The following DGKI variants were observed in gnomAD, a reference collection of about 807,000 sequenced individuals.
DGKI encodes diacylglycerol kinase iota, also known as DAG kinase iota.
A neutral mutation model predicts 147.5 loss-of-function variants in DGKI; 55 were observed. That is an observed-to-expected ratio of 0.37 (90% CI 0.30 to 0.47). The LOEUF is 0.47. Ranked by LOEUF, DGKI falls within the 20% of genes least tolerant of loss-of-function variation. The probability of loss-of-function intolerance (pLI) is 1.00; values close to 1 mark genes in which losing one functional copy is unlikely to be tolerated. For synonymous variants in DGKI, 469 were observed against 477.1 expected (o/e 0.98, Z 0.22); for missense variants, 1,007 against 1,323.8 (o/e 0.76, Z 3.71).
At chr7:137,617,124 C>CAAAAAAAAAAAAAAAAAA (rs60654879) in intron 8 of DGKI, among the ~76,000 whole-genome samples, 1 of 48,130 alleles carries the variant, frequency 2.1e-5, no homozygotes, top group Admixed American at 2.9e-4. Flanking sequence ...TCCCTTTTAC[C>CAAAAAAAAAAAAAAAAAA]AAAAAAAAAA....
intron 21 of DGKI, among the ~76,000 whole-genome samples, chr7:137,517,219 AAAAGAAAAAGAAAGAAAGAAAG>A: frequency 1.4e-5 from 2 of 139,718 alleles, no homozygotes; most frequent in African/African-American, 6.1e-5. Flanking sequence ...TAAAGAAAAG[AAAAGAAAAAGAAAGAAAGAAAG>A]AAAGAAAAGA....
intron 14 of DGKI, among the ~76,000 whole-genome samples, chr7:137,583,805 A>T (rs1331925528): frequency 6.6e-6 from 1 of 152,132 alleles, no homozygotes; most frequent in Non-Finnish European, 1.5e-5. Context: ...TAAGTCAAAC[A>T]CATTAAAAAA....
At chr7:137,719,475 C>T (rs1794481587) in intron 1 of DGKI, among the ~76,000 whole-genome samples, 1 of 151,828 alleles carries the variant, frequency 6.6e-6, no homozygotes, top group African/African-American at 2.4e-5. Context: ...CAGAGTTTTG[C>T]TCCTCCATAG....
intron 10 of DGKI, among the ~76,000 whole-genome samples, chr7:137,607,545 G>C (rs954039686): frequency 6.6e-6 from 1 of 152,166 alleles, no homozygotes. Flanking sequence ...CTAGGAAAGA[G>C]AGCTTATAAT....
chr7:137,518,098 A>T (rs1375602019), intron 21 of DGKI, among the ~76,000 whole-genome samples: 1 of 152,028 alleles, frequency 6.6e-6, no homozygotes, highest in Non-Finnish European at 1.5e-5. Flanking sequence ...GGACTTGAAG[A>T]CTGATGAGCA....
intron 7 of DGKI, among the ~76,000 whole-genome samples, chr7:137,622,501 C>A (rs1055465579): frequency 5.9e-5 from 9 of 152,092 alleles, no homozygotes; most frequent in African/African-American, 1.9e-4. Flanking sequence ...TCTATAAAGG[C>A]ACAGGGAATA....
intron 1 of DGKI, among the ~76,000 whole-genome samples, chr7:137,697,219 A>T (rs1318890050): frequency 6.6e-6 from 1 of 152,240 alleles, no homozygotes; most frequent in East Asian, 1.9e-4. Flanking sequence ...TGAATTTAGC[A>T]TGATAGGGTT....
chr7:137,572,562 C>T (rs1476729911), intron 18 of DGKI, among the ~76,000 whole-genome samples: 1 of 152,158 alleles, frequency 6.6e-6, no homozygotes, highest in Non-Finnish European at 1.5e-5. Context: ...ACAATGCATG[C>T]CACATGACGC....
At chr7:137,405,248 A>ATTTTT (rs34385874) in intron 30 of DGKI, among the ~76,000 whole-genome samples, 1 of 151,066 alleles carries the variant, frequency 6.6e-6, no homozygotes, top group Non-Finnish European at 1.5e-5. Flanking sequence ...TATTGTTATC[A>ATTTTT]TTTTTTTTTC....
At chr7:137,765,786 G>C (rs531152700) in intron 1 of DGKI, among the ~76,000 whole-genome samples, 1 of 152,094 alleles carries the variant, frequency 6.6e-6, no homozygotes, top group African/African-American at 2.4e-5. Flanking sequence ...CATACGATAC[G>C]GAGGCCTCCC....
chr7:137,776,094 G>C (rs1043253052), intron 1 of DGKI, among the ~76,000 whole-genome samples: 1 of 152,122 alleles, frequency 6.6e-6, no homozygotes, highest in Non-Finnish European at 1.5e-5. Context: ...CTGACCTTAG[G>C]TGATCCACCT....
intron 1 of DGKI, among the ~76,000 whole-genome samples, chr7:137,794,908 G>A (rs1796975450): frequency 6.6e-6 from 1 of 152,190 alleles, no homozygotes; most frequent in African/African-American, 2.4e-5. Context: ...TTCCTAAAGA[G>A]GAGACAAGCA....
At chr7:137,477,363 GT>G (rs1011312908) in intron 23 of DGKI, among the ~76,000 whole-genome samples, 1 of 152,128 alleles carries the variant, frequency 6.6e-6, no homozygotes, top group Non-Finnish European at 1.5e-5. Flanking sequence ...ATCTTAATAT[GT>G]TTTTAGCATG....
At chr7:137,469,692 C>A in intron 23 of DGKI, 73 bp from the exon 24 acceptor site, 2 of 1,406,014 alleles carry the variant, frequency 1.4e-6, no homozygotes, top group Non-Finnish European at 2.0e-6. Flanking sequence ...CAGCATTCTG[C>A]CATCCTTTCC....
intron 27 of DGKI, among the ~76,000 whole-genome samples, chr7:137,460,002 CTGA>C (rs1050756079): frequency 2.0e-5 from 3 of 152,142 alleles, no homozygotes; most frequent in Admixed American, 2.0e-4. Context: ...CTCGAAAACT[CTGA>C]TAAGTAGTAT....
rs1412928550 is a variant in DGKI at position 137,479,272 on chromosome 7, A to G, written c.2373+6102T>C. Among the ~76,000 whole-genome samples, 36 of 152,192 alleles carry G rather than the reference A, an allele frequency of 2.4e-4. 1 individual carries two copies. Among genetic ancestry groups the G allele is most frequent in the Admixed American group, 2.4e-3 (36 of 15,276 alleles). On this transcript the variant is annotated intron_variant, in intron 23 of 32. Coordinates refer to ENST00000614521, the MANE Select transcript of DGKI (RefSeq NM_001321708.2). ...AAATATAATAATCTTCTAAAATTAC[A>G]TGCTCTTTAAATGAATAATATTAGC...
chr7:137,427,150 G>A (rs1052080451), intron 28 of DGKI, among the ~76,000 whole-genome samples: 205 of 152,034 alleles, frequency 1.3e-3, no homozygotes, highest in Non-Finnish European at 1.7e-3. Flanking sequence ...ATAGTTGGAA[G>A]TAAAGCTCTC....
rs1711813420 is a variant in DGKI, at chr7:137,753,165, C to T, written c.402-63163G>A. Among the ~76,000 whole-genome samples, 4 of 152,156 alleles carry T rather than the reference C, an allele frequency of 2.6e-5. No individual in the cohort carries two copies. In the South Asian group the frequency reaches 8.3e-4, roughly 32 times the overall value. On this transcript the variant is annotated intron_variant, in intron 1 of 32. Coordinates refer to ENST00000614521, the MANE Select transcript of DGKI (RefSeq NM_001321708.2). ...TCCCTAAATAATAAACAAAGTTACACTTGAGTGGTCTGACTACAGAGAAGA... is the reference window on the plus strand; with the variant it reads ...TCCCTAAATAATAAACAAAGTTACATTTGAGTGGTCTGACTACAGAGAAGA...
At position 137,658,024 on chromosome 7, in the gene DGKI, C is replaced by T. The variant is rs191111486; in HGVS notation, c.607-1484G>A. On this transcript the variant is annotated intron_variant, in intron 3 of 32. Coordinates refer to ENST00000614521, the MANE Select transcript of DGKI (RefSeq NM_001321708.2). ...TGCTTGCAGATGCTTTTATCACTCT[C>T]GGATTTCCTCTTCCTGAGGGAAGAA... 1.2e-4 allele frequency among the ~76,000 whole-genome samples: 18 copies of T among 152,274 alleles called. No homozygotes were observed. The East Asian group carries it at 2.3e-3, about 20-fold the overall frequency.
Sources: gnomAD v4.1 joint callset for allele counts (sites outside exome capture counted in the v4.1 genomes callset) on GRCh38, gnomAD v4.1.1 for gene constraint, MANE v1.5 for transcripts, NCBI Gene and HGNC (gene_info 2026-07-23, HGNC 2026-07-21) for gene names.